Variants in GLG1 observed in about 807,000 individuals in gnomAD.
GLG1 encodes the protein golgi glycoprotein 1, also known as Golgi apparatus protein 1.
GLG1 carries 38 observed loss-of-function variants against 160.5 expected under a neutral mutation model. The ratio of observed to expected loss-of-function variants is 0.24; its 90% CI spans 0.18 to 0.31. GLG1 has a LOEUF of 0.31. Ranked by LOEUF, GLG1 falls within the 10% of genes least tolerant of loss-of-function variation. GLG1 has a pLI of 1.00. For missense variants in GLG1, 1,373 were observed against 1,505.2 expected (o/e 0.91, Z 1.45); for synonymous variants, 644 against 543.4 (o/e 1.19, Z -2.57).
At chr16:74,542,708 GGGAA>G (rs199643749) in intron 1 of GLG1, among the ~76,000 whole-genome samples, 18,061 of 49,224 alleles carry the variant, frequency 0.37, 5,551 homozygotes, top group East Asian at 0.51. Flanking sequence ...GAGGGAGGAA[GGGAA>G]GAAGGGAAGG....
chr16:74,542,763 A>G (rs1446959864), intron 1 of GLG1, among the ~76,000 whole-genome samples: 28 of 79,010 alleles, frequency 3.5e-4, no homozygotes, highest in South Asian at 1.1e-3. Flanking sequence ...GGAAGGAAGG[A>G]AGGAAGGAAG....
intron 2 of GLG1, among the ~76,000 whole-genome samples, chr16:74,515,920 TC>T (rs1567496769): frequency 4.0e-5 from 6 of 150,500 alleles, no homozygotes; most frequent in South Asian, 2.1e-4. Context: ...TAAAACAGAC[TC>T]TAAACCTAAA....
At chr16:74,478,505 C>A (rs1353248429) in intron 11 of GLG1, among the ~76,000 whole-genome samples, 2 of 152,154 alleles carry the variant, frequency 1.3e-5, no homozygotes, top group Non-Finnish European at 1.5e-5. Context: ...TGGAAAGTAA[C>A]TGTTTAATGA....
chr16:74,558,308 C>A (rs1340201361), intron 1 of GLG1, among the ~76,000 whole-genome samples: 1 of 152,142 alleles, frequency 6.6e-6, no homozygotes, highest in Non-Finnish European at 1.5e-5. Context: ...GGGGAAAATG[C>A]AAGTGTTAGT....
intron 1 of GLG1, among the ~76,000 whole-genome samples, chr16:74,598,576 C>T (rs1958360635): frequency 1.3e-5 from 2 of 148,684 alleles, no homozygotes; most frequent in African/African-American, 5.0e-5. Context: ...GCCTATAAGC[C>T]ATTTTAACTG....
chr16:74,587,434 G>C (rs149581594), intron 1 of GLG1, among the ~76,000 whole-genome samples: 47 of 152,326 alleles, frequency 3.1e-4, no homozygotes, highest in African/African-American at 1.1e-3. Flanking sequence ...ATGGTCACAG[G>C]AGATTTGTGG....
Position 74,451,874 on chromosome 16 carries a change from A to G in GLG1, c.*1293T>C. The stretch of plus-strand genomic sequence containing the variant: ...TAAAGCCCATATTCTGCAAAGGTTG[A>G]TGAATCGCCAAAATACAACATTTAG... On this transcript the variant is annotated 3_prime_UTR_variant, in exon 26 of 26. Transcript: ENST00000422840. The G allele has an allele frequency of 3.5e-6, 2 of 579,680 alleles. No individual in the cohort carries two copies. The highest frequency in any genetic ancestry group is 6.0e-5 in the Admixed American group (2 of 33,582). The allele number at this position is 579,680 out of a possible 1,614,324, so 35.9% of individuals were successfully genotyped here.
At chr16:74,559,967 A>C (rs2018461882) in intron 1 of GLG1, among the ~76,000 whole-genome samples, 1 of 152,208 alleles carries the variant, frequency 6.6e-6, no homozygotes, top group Admixed American at 6.5e-5. Context: ...TATTGTTAAT[A>C]GCTTACTTTA....
intron 23 of GLG1, 120 bp downstream of exon 23, chr16:74,459,562 C>G: frequency 1.5e-6 from 1 of 656,776 alleles, no homozygotes. Flanking sequence ...GAAAAGAGTG[C>G]TGGGCAGAAG....
chr16:74,547,160 A>G (rs1226988553), intron 1 of GLG1, among the ~76,000 whole-genome samples: 1 of 151,676 alleles, frequency 6.6e-6, no homozygotes, highest in Non-Finnish European at 1.5e-5. Context: ...CTTGCCTCCA[A>G]GGGGGATGTA....
intron 1 of GLG1, among the ~76,000 whole-genome samples, chr16:74,573,646 C>T (rs2143791268): frequency 7.0e-6 from 1 of 142,214 alleles, no homozygotes; most frequent in African/African-American, 2.6e-5. Flanking sequence ...GGCTCGACCT[C>T]CTGGGCTCAG....
chr16:74,457,969 C>G lies in GLG1; in HGVS notation c.3170G>C (p.Ser1057Thr). Residue 1057 changes from serine to threonine, a missense_variant, in exon 24 of 26, where the codon AGC becomes ACC. By Grantham distance (58) the Ser-to-Thr change is moderately conservative. Around this residue, in one of 4 missense-constraint regions of GLG1, gnomAD observed 491 missense variants for 632.1 expected, o/e 0.78. Coordinates refer to ENST00000422840, the MANE Select transcript of GLG1 (RefSeq NM_001145667.2). ...CGGGTCAACAAAGATGTCTGCTTTG[C>G]TTTCCTTCAGCATGTTTAGCACTTC... ...KKEVLNMLKE[S>T]KADIFVDPVL... The G allele has an allele frequency of 6.2e-7, 1 of 1,613,796 alleles. No homozygotes were observed. The highest frequency in any genetic ancestry group is 8.5e-7 in the Non-Finnish European group (1 of 1,179,698).
intron 1 of GLG1, among the ~76,000 whole-genome samples, chr16:74,532,938 T>A (rs1256014562): frequency 1.3e-5 from 2 of 152,306 alleles, no homozygotes; most frequent in African/African-American, 4.8e-5. Context: ...CTATAATTCA[T>A]AACAAAAAGT....
chr16:74,561,705 C>T (rs1447140279), intron 1 of GLG1, among the ~76,000 whole-genome samples: 1 of 152,178 alleles, frequency 6.6e-6, no homozygotes, highest in Non-Finnish European at 1.5e-5. Flanking sequence ...GTGCTATGCA[C>T]CTGAATTGGA....
At chr16:74,576,805 T>G (rs2019017053) in intron 1 of GLG1, among the ~76,000 whole-genome samples, 1 of 152,226 alleles carries the variant, frequency 6.6e-6, no homozygotes, top group Non-Finnish European at 1.5e-5. Flanking sequence ...AAATATAATC[T>G]TTGAGTATAC....
chr16:74,594,187 G>A (rs905373833), intron 1 of GLG1, among the ~76,000 whole-genome samples: 2 of 152,202 alleles, frequency 1.3e-5, no homozygotes, highest in Non-Finnish European at 2.9e-5. Context: ...GATTACAGGT[G>A]TGAGCCACTG....
chr16:74,486,793 C>A (rs1422142502), intron 8 of GLG1, among the ~76,000 whole-genome samples: 1 of 151,962 alleles, frequency 6.6e-6, no homozygotes, highest in African/African-American at 2.4e-5. Context: ...TCTTTAACTG[C>A]AGAAAATTGT....
chr16:74,512,852 G>A (rs1412339455), intron 2 of GLG1, among the ~76,000 whole-genome samples: 2 of 152,310 alleles, frequency 1.3e-5, no homozygotes, highest in African/African-American at 4.8e-5. Context: ...ACACATTTTG[G>A]TGAGTGGTAA....
chr16:74,470,007 G>T lies in GLG1; in HGVS notation c.2296C>A (p.Leu766Ile). The T allele has an allele frequency of 6.2e-7, 1 of 1,604,984 alleles. No individual in the cohort carries two copies. Among genetic ancestry groups the T allele is most frequent in the Non-Finnish European group, 8.5e-7 (1 of 1,171,634 alleles). Reference sequence around the variant, plus strand: ...TACTTCTTTTTTATGTTTGGGCAAAGCTTCAACACGTCCTCCTTGCAGGCC... The same window carrying T: ...TACTTCTTTTTTATGTTTGGGCAAATCTTCAACACGTCCTCCTTGCAGGCC... ...KMACKEDVLKLCPNIKKKVDV... is the reference protein window; with the variant it reads ...KMACKEDVLKICPNIKKKVDV... Residue 766 changes from leucine to isoleucine, a missense_variant, in exon 16 of 26, where the codon CTT becomes ATT. This residue lies in a region of GLG1 where 491 missense variants were observed against 632.1 expected (regional missense o/e 0.78). Coordinates refer to ENST00000422840, the MANE Select transcript of GLG1 (RefSeq NM_001145667.2).
Sources: allele counts gnomAD v4.1 joint callset (sites outside exome capture counted in the v4.1 genomes callset), GRCh38; gene constraint gnomAD v4.1.1; regional missense constraint gnomAD v4.1.1; transcripts MANE v1.5; gene names NCBI Gene and HGNC (gene_info 2026-07-23, HGNC 2026-07-21).